The following AFG2A variants were observed in gnomAD, a reference collection of about 807,000 sequenced individuals.
AFG2A encodes AAA ATPase AFG2A.
chr4:123,115,265 C>T, the AFG2A span, among the ~76,000 whole-genome samples: 1 of 152,030 alleles, frequency 6.6e-6, no homozygotes, highest in Non-Finnish European at 1.5e-5. Flanking sequence ...GGGCAGATCG[C>T]GGGCCCCAAA....
chr4:123,311,204 A>G, the AFG2A span, among the ~76,000 whole-genome samples: 1 of 152,226 alleles, frequency 6.6e-6, no homozygotes, highest in Non-Finnish European at 1.5e-5. Context: ...GACATATACT[A>G]GAGGCCCCAA....
the AFG2A span, among the ~76,000 whole-genome samples, chr4:123,167,378 C>T: frequency 6.6e-6 from 1 of 151,810 alleles, no homozygotes; most frequent in Non-Finnish European, 1.5e-5. Context: ...GACGGAGTCT[C>T]GCTCTGTTGC....
chr4:123,238,100 G>A, the AFG2A span, among the ~76,000 whole-genome samples: 1 of 152,212 alleles, frequency 6.6e-6, no homozygotes, highest in Non-Finnish European at 1.5e-5. Context: ...AGATCGACCT[G>A]CGAGGCTGCA....
the AFG2A span, among the ~76,000 whole-genome samples, chr4:123,044,424 C>T: frequency 5.3e-5 from 8 of 152,144 alleles, no homozygotes; most frequent in Admixed American, 2.0e-4. Context: ...ACTGCTATCT[C>T]ATTAGGGCAT....
At chr4:123,026,414 A>G in the AFG2A span, among the ~76,000 whole-genome samples, 20 of 152,204 alleles carry the variant, frequency 1.3e-4, no homozygotes, top group Admixed American at 9.2e-4. Flanking sequence ...TAGAACTAAA[A>G]AAAAATACTA....
At chr4:123,167,568 C>T in the AFG2A span, among the ~76,000 whole-genome samples, 3 of 152,036 alleles carry the variant, frequency 2.0e-5, no homozygotes, top group South Asian at 4.1e-4. Context: ...AGGATGGTCT[C>T]GCTCTCCTGA....
the AFG2A span, among the ~76,000 whole-genome samples, chr4:123,154,933 A>G: frequency 6.6e-6 from 1 of 151,790 alleles, no homozygotes; most frequent in South Asian, 2.1e-4. Flanking sequence ...TCTTGCCAAC[A>G]TTTTTTTCTG....
At chr4:123,044,759 C>G in the AFG2A span, among the ~76,000 whole-genome samples, 8 of 151,334 alleles carry the variant, frequency 5.3e-5, no homozygotes, top group Non-Finnish European at 8.8e-5. Context: ...ACCTGTGTCT[C>G]TGAGGATGTC....
the AFG2A span, among the ~76,000 whole-genome samples, chr4:123,284,472 C>T: frequency 6.6e-6 from 1 of 152,146 alleles, no homozygotes; most frequent in Non-Finnish European, 1.5e-5. Flanking sequence ...GAATAGAAGT[C>T]AGTATTTTTC....
At chr4:123,293,977 C>T in the AFG2A span, among the ~76,000 whole-genome samples, 1 of 152,194 alleles carries the variant, frequency 6.6e-6, no homozygotes, top group South Asian at 2.1e-4. Context: ...CTTAACACTC[C>T]ATTTGGGCTA....
the AFG2A span, among the ~76,000 whole-genome samples, chr4:123,010,323 C>T: frequency 2.7e-4 from 41 of 152,274 alleles, no homozygotes; most frequent in Non-Finnish European, 5.6e-4. Flanking sequence ...ACCCTCAAGG[C>T]CTGTCATGGG....
At chr4:123,038,816 C>CTGTTT in the AFG2A span, among the ~76,000 whole-genome samples, 6 of 151,846 alleles carry the variant, frequency 4.0e-5, no homozygotes, top group South Asian at 2.1e-4. Flanking sequence ...TTTTTTCTTT[C>CTGTTT]TGTTTTGTTT....
At chr4:123,096,551 A>G in the AFG2A span, among the ~76,000 whole-genome samples, 3 of 152,028 alleles carry the variant, frequency 2.0e-5, no homozygotes, top group African/African-American at 4.8e-5. Context: ...GGTGATAAGC[A>G]TGCCTCAAAA....
chr4:122,970,423 A>G, the AFG2A span, among the ~76,000 whole-genome samples: 1 of 152,098 alleles, frequency 6.6e-6, no homozygotes, highest in Non-Finnish European at 1.5e-5. Context: ...CTCAGAATGT[A>G]TCCCTGTCAT....
chr4:123,058,183 T>A, the AFG2A span, among the ~76,000 whole-genome samples: 1 of 152,136 alleles, frequency 6.6e-6, no homozygotes, highest in East Asian at 1.9e-4. Context: ...CGAGACTGGG[T>A]AATTTATAAA....
chr4:123,020,010 G>C, the AFG2A span, among the ~76,000 whole-genome samples: 1 of 152,130 alleles, frequency 6.6e-6, no homozygotes, highest in Non-Finnish European at 1.5e-5. Flanking sequence ...AGGTGAATGG[G>C]TGGTTCCCTG....
At chr4:123,129,345 C>T in the AFG2A span, among the ~76,000 whole-genome samples, 1 of 152,142 alleles carries the variant, frequency 6.6e-6, no homozygotes, top group African/African-American at 2.4e-5. Flanking sequence ...TCATCCCTGC[C>T]GTTTAAGAGC....
At chr4:123,175,070 T>A in the AFG2A span, among the ~76,000 whole-genome samples, 4 of 152,128 alleles carry the variant, frequency 2.6e-5, no homozygotes, top group Non-Finnish European at 1.5e-5. Context: ...CAAGCCATCA[T>A]GCCCAGCCTA....
the AFG2A span, among the ~76,000 whole-genome samples, chr4:123,014,948 C>T: frequency 6.6e-6 from 1 of 152,072 alleles, no homozygotes; most frequent in Non-Finnish European, 1.5e-5. Flanking sequence ...TCTGTACTCC[C>T]ATCTGTGAAA....
Sources: gnomAD v4.1 joint callset for allele counts (sites outside exome capture counted in the v4.1 genomes callset) on GRCh38, gnomAD v4.1.1 for gene constraint, MANE v1.5 for transcripts, NCBI Gene and HGNC (gene_info 2026-07-23, HGNC 2026-07-21) for gene names.